The following GOLGA5 variants were observed in gnomAD, a reference collection of about 807,000 sequenced individuals.
GOLGA5 encodes golgin subfamily A member 5.
A neutral mutation model predicts 93.5 loss-of-function variants in GOLGA5; 50 were observed. The observed-to-expected ratio is 0.53, with a 90% CI of 0.43 to 0.68. GOLGA5 has a LOEUF of 0.68. GOLGA5 is among the 30% of genes least tolerant of loss of function. The pLI is 0.00. For missense variants in GOLGA5, 760 were observed against 856.4 expected, an observed-to-expected ratio of 0.89 and a Z score of 1.40; for synonymous variants, 312 against 304.5, an observed-to-expected ratio of 1.02 and a Z score of -0.26.
In GOLGA5 at chr14:92,839,727, C is replaced by T. The variant is rs964601690; in HGVS notation, c.*281C>T. On this transcript the variant is annotated 3_prime_UTR_variant, in exon 13 of 13. Coordinates refer to ENST00000163416, the MANE Select transcript of GOLGA5 (RefSeq NM_005113.4). The stretch of plus-strand genomic sequence containing the variant: ...TAGAGAAAGATGGTGGGGTTGTTCA[C>T]CTCTGTACAGACCATCTGTATGTTA... 2.4e-5 allele frequency: 10 copies of T among 415,518 alleles called. No homozygotes were observed. The highest frequency in any genetic ancestry group is 2.0e-4 in the African/African-American group (10 of 50,058). 25.7% of individuals were successfully genotyped at this position (415,518 alleles called of 1,614,324 possible).
intron 9 of GOLGA5, among the ~76,000 whole-genome samples, chr14:92,829,745 G>A (rs1885490250): frequency 1.3e-5 from 2 of 152,116 alleles, no homozygotes. Flanking sequence ...GCACTGGCAG[G>A]GTGTTAAAGG....
At chr14:92,811,849 C>T in intron 6 of GOLGA5, 95 bp downstream of exon 6, 1 of 877,082 alleles carries the variant, frequency 1.1e-6, no homozygotes, top group East Asian at 2.6e-5. Flanking sequence ...GTGCTTTGTT[C>T]ATGTTCGTCT....
intron 8 of GOLGA5, among the ~76,000 whole-genome samples, chr14:92,820,762 TTTG>T (rs1331684725): frequency 6.6e-6 from 1 of 152,188 alleles, no homozygotes; most frequent in Non-Finnish European, 1.5e-5. Flanking sequence ...CTGTAAACAT[TTTG>T]TTAACAAGGC....
chr14:92,839,231 T>G (rs1056248186), intron 12 of GOLGA5, 135 bp from the exon 13 acceptor site: 7 of 618,820 alleles, frequency 1.1e-5, no homozygotes, highest in Non-Finnish European at 2.9e-6. Flanking sequence ...CATTTAGTTG[T>G]TTCATTCATT....
chr14:92,837,306 C>T (rs1447808097), intron 11 of GOLGA5, 80 bp from the exon 12 acceptor site: 1 of 722,712 alleles, frequency 1.4e-6, no homozygotes, highest in African/African-American at 1.8e-5. Flanking sequence ...TTATCAGCAT[C>T]ATTAGATATT....
At chr14:92,813,634 G>A (rs1297325424) in intron 6 of GOLGA5, among the ~76,000 whole-genome samples, 2 of 152,184 alleles carry the variant, frequency 1.3e-5, no homozygotes, top group African/African-American at 2.4e-5. Context: ...TTCAACGGCA[G>A]GCAGAAGCCA....
chr14:92,839,519 A>G lies in GOLGA5; in HGVS notation c.*73A>G. ...GATCTGCAAGAAGGCCAATTGCCTA[A>G]AATTTCTGAGAACAGTGCACAAGAT... On this transcript the variant is annotated 3_prime_UTR_variant, in exon 13 of 13. Coordinates refer to ENST00000163416, the MANE Select transcript of GOLGA5 (RefSeq NM_005113.4). 1 of 936,494 alleles carries G rather than the reference A, an allele frequency of 1.1e-6. No homozygotes were observed. Among genetic ancestry groups the G allele is most frequent in the Non-Finnish European group, 1.7e-6 (1 of 576,442 alleles). The allele number at this position is 936,494 out of a possible 1,614,324, so 58.0% of individuals were successfully genotyped here.
intron 1 of GOLGA5, among the ~76,000 whole-genome samples, chr14:92,795,829 T>C (rs1884714266): frequency 6.6e-6 from 1 of 152,256 alleles, no homozygotes; most frequent in Non-Finnish European, 1.5e-5. Flanking sequence ...AGGAGAACTC[T>C]GAAGCAAATG....
chr14:92,826,015 A>G (rs780149989), intron 9 of GOLGA5, among the ~76,000 whole-genome samples: 46 of 151,770 alleles, frequency 3.0e-4, no homozygotes, highest in Non-Finnish European at 6.2e-4. Context: ...AATTAGGTGC[A>G]TGGTGGCACG....
intron 8 of GOLGA5, among the ~76,000 whole-genome samples, chr14:92,824,206 T>C (rs1236490563): frequency 6.6e-6 from 1 of 152,186 alleles, no homozygotes; most frequent in African/African-American, 2.4e-5. Context: ...AGTTGTCATA[T>C]TAATGCTATA....
At chr14:92,829,795 A>G (rs1052635171) in intron 9 of GOLGA5, among the ~76,000 whole-genome samples, 2 of 152,250 alleles carry the variant, frequency 1.3e-5, no homozygotes, top group African/African-American at 4.8e-5. Context: ...TGTGAGTAAA[A>G]TGCTATCAAA....
chr14:92,806,744 A>T lies in GOLGA5; in HGVS notation c.553A>T (p.Ser185Cys). ...SFGSQTHEAA[S>C]NSDSSHEGQE... ...TATTCTTTTTTTTACAGAAGCTGCC[A>T]GTAACTCAGATTCTAGCCATGAAGG... The change falls in exon 3 of 13, where the codon AGT (serine) becomes TGT (cysteine). Residue 185 changes from serine to cysteine, a missense_variant. Coordinates refer to ENST00000163416, the MANE Select transcript of GOLGA5 (RefSeq NM_005113.4). 1 of 1,609,098 alleles carries T rather than the reference A, an allele frequency of 6.2e-7. No homozygotes were observed. The highest frequency in any genetic ancestry group is 8.5e-7 in the Non-Finnish European group (1 of 1,175,378).
chr14:92,810,511 A>G (rs1443582485), intron 5 of GOLGA5, 134 bp downstream of exon 5: 3 of 589,892 alleles, frequency 5.1e-6, no homozygotes, highest in Non-Finnish European at 8.1e-6. Context: ...TGTGACAAAA[A>G]TCAGATATTT....
At chr14:92,828,708 G>A (rs1028745864) in intron 9 of GOLGA5, among the ~76,000 whole-genome samples, 2 of 152,106 alleles carry the variant, frequency 1.3e-5, no homozygotes, top group African/African-American at 2.4e-5. Flanking sequence ...TGATTCTGTT[G>A]CCCAGACTGG....
intron 1 of GOLGA5, among the ~76,000 whole-genome samples, chr14:92,796,976 C>CAAAAA (rs71123379): frequency 2.7e-5 from 2 of 73,676 alleles, no homozygotes; most frequent in Non-Finnish European, 5.0e-5. Flanking sequence ...GACTCCGTCT[C>CAAAAA]AAAAAAAAAA....
chr14:92,797,537 A>C lies in GOLGA5; in HGVS notation c.100A>C (p.Asn34His). Residue 34 changes from asparagine (N) to histidine (H), a missense_variant, in exon 2 of 13, where the codon AAC becomes CAC. Asn to His is a moderately conservative substitution (Grantham distance 68). Coordinates refer to ENST00000163416, the MANE Select transcript of GOLGA5 (RefSeq NM_005113.4). ...TALSRKDNAS[N>H]IYSKNTDYTE... Reference sequence around the variant, plus strand: ...TCTCAGTAGGAAAGACAATGCCAGCAACATATATAGCAAAAATACTGACTA... The same window carrying C: ...TCTCAGTAGGAAAGACAATGCCAGCCACATATATAGCAAAAATACTGACTA... The C allele has an allele frequency of 1.2e-6, 2 of 1,613,252 alleles. No homozygotes were observed. Among genetic ancestry groups the C allele is most frequent in the Non-Finnish European group, 1.7e-6 (2 of 1,179,168 alleles).
intron 1 of GOLGA5, 119 bp from the exon 2 acceptor site, chr14:92,797,289 G>T: frequency 1.8e-6 from 1 of 570,472 alleles, no homozygotes; most frequent in Non-Finnish European, 3.1e-6. Flanking sequence ...AGGTTACCTA[G>T]CTAGTAAAAG....
intron 7 of GOLGA5, among the ~76,000 whole-genome samples, chr14:92,818,925 G>A (rs571292942): frequency 1.3e-5 from 2 of 152,122 alleles, no homozygotes; most frequent in Non-Finnish European, 2.9e-5. Context: ...ATAAGAACAT[G>A]TAAAAACCAA....
At position 92,797,600 on chromosome 14, in the gene GOLGA5, C is replaced by G; in HGVS notation, c.163C>G (p.Gln55Glu). The G allele has an allele frequency of 6.2e-7, 1 of 1,613,340 alleles. No individual in the cohort carries two copies. Among genetic ancestry groups the G allele is most frequent in the Non-Finnish European group, 8.5e-7 (1 of 1,179,278 alleles). ...CCAGCAAAATACAGATTTGATATAT[C>G]AGACTGGACCTAAATCTACGTATAT... The part of the protein sequence containing the change: ...LHQQNTDLIY[Q>E]TGPKSTYISS... Residue 55 changes from glutamine to glutamate, a missense_variant, in exon 2 of 13, where the codon CAG (glutamine) becomes GAG (glutamate). Coordinates refer to ENST00000163416, the MANE Select transcript of GOLGA5 (RefSeq NM_005113.4).
Sources: gnomAD v4.1 joint callset for allele counts (sites outside exome capture counted in the v4.1 genomes callset) on GRCh38, gnomAD v4.1.1 for gene constraint, MANE v1.5 for transcripts, NCBI Gene and HGNC (gene_info 2026-07-23, HGNC 2026-07-21) for gene names.